Variants in TUSC3 observed in about 807,000 individuals in gnomAD.
TUSC3 encodes the protein dolichyl-diphosphooligosaccharide--protein glycosyltransferase subunit TUSC3.
Under a neutral mutation model 44.8 loss-of-function variants are expected in TUSC3, and 45 were observed. The observed-to-expected ratio is 1.00, with a 90% confidence interval of 0.79 to 1.29. TUSC3 has a LOEUF of 1.29. Among genes scored for constraint, TUSC3 ranks in the 50% most tolerant of loss-of-function variants. TUSC3 has a pLI of 0.00. For missense variants in TUSC3, 519 were observed against 437.9 expected (o/e 1.19, Z -1.65); for synonymous variants, 212 against 152.9 (o/e 1.39, Z -2.85).
At chr8:15,526,475 G>A (rs1170495441) in intron 2 of TUSC3, among the ~76,000 whole-genome samples, 1 of 152,168 alleles carries the variant, frequency 6.6e-6, no homozygotes, top group Admixed American at 6.5e-5. Flanking sequence ...ACACATTGTG[G>A]GAGGGACCCA....
intron 10 of TUSC3, 105 bp from the exon 11 acceptor site, chr8:15,764,098 T>C: frequency 8.5e-7 from 1 of 1,173,204 alleles, no homozygotes; most frequent in Non-Finnish European, 1.2e-6. Context: ...AATTATGACA[T>C]TTTAATGTTA....
chr8:15,447,051 A>T (rs1434605589), intron 1 of TUSC3, among the ~76,000 whole-genome samples: 1 of 152,092 alleles, frequency 6.6e-6, no homozygotes, highest in East Asian at 1.9e-4. Flanking sequence ...CCAAATGCAG[A>T]AGAAAAAAAA....
chr8:15,503,591 C>T (rs2129127223), intron 2 of TUSC3, among the ~76,000 whole-genome samples: 1 of 152,232 alleles, frequency 6.6e-6, no homozygotes, highest in Middle Eastern at 3.4e-3. Flanking sequence ...GTAGCCCCAG[C>T]TACTCACAAG....
intron 1 of TUSC3, among the ~76,000 whole-genome samples, chr8:15,589,286 T>C (rs10103833): frequency 0.24 from 36,422 of 151,998 alleles, 4,515 homozygotes; most frequent in East Asian, 0.47. Context: ...TAACTTTTAA[T>C]TGGGGAATTT....
At position 15,738,069 on chromosome 8, in the gene TUSC3, G is replaced by A. The variant is rs553000117; in HGVS notation, c.863-5469G>A. Among the ~76,000 whole-genome samples the A allele has an allele frequency of 3.3e-5, 5 of 152,204 alleles. No homozygotes were observed. In the East Asian group the frequency reaches 9.7e-4, roughly 29 times the overall value. On this transcript the variant is annotated intron_variant, in intron 7 of 10. Coordinates refer to ENST00000503731, the MANE Select transcript of TUSC3 (RefSeq NM_006765.4). Reference sequence around the variant, plus strand: ...AAAGCCATTTTAGTATAATTCATATGTCTTAATTACACCCATCAGGTTTTT... The same window carrying A: ...AAAGCCATTTTAGTATAATTCATATATCTTAATTACACCCATCAGGTTTTT...
At chr8:15,561,974 C>G (rs1041712404) in intron 1 of TUSC3, among the ~76,000 whole-genome samples, 5 of 152,180 alleles carry the variant, frequency 3.3e-5, no homozygotes, top group Admixed American at 1.3e-4. Flanking sequence ...CTGCGTTGCT[C>G]AGGCTGGGAG....
chr8:15,579,198 C>T (rs1427661136), intron 1 of TUSC3, among the ~76,000 whole-genome samples: 1 of 146,700 alleles, frequency 6.8e-6, no homozygotes, highest in Non-Finnish European at 1.5e-5. Flanking sequence ...CTATTTGATT[C>T]TTCTCTCTTT....
intron 2 of TUSC3, among the ~76,000 whole-genome samples, chr8:15,499,923 A>C (rs1452955474): frequency 6.6e-6 from 1 of 152,168 alleles, no homozygotes; most frequent in Admixed American, 6.5e-5. Flanking sequence ...TCTCTGTAGA[A>C]CCCAGATGAA....
chr8:15,719,495 TCACACACACACACACACACACCA>T (rs1438973505), intron 6 of TUSC3, among the ~76,000 whole-genome samples: 2,970 of 145,316 alleles, frequency 0.02, 72 homozygotes, highest in African/African-American at 0.07. Context: ...ATACAGTTCA[TCACACACACACACACACACACCA>T]CACACACACA....
At chr8:15,813,467 T>C in the TUSC3 span, among the ~76,000 whole-genome samples, 3 of 150,250 alleles carry the variant, frequency 2.0e-5, no homozygotes, top group Non-Finnish European at 2.9e-5. Context: ...CTGTAAGTTC[T>C]GATACTGGTT....
downstream of TUSC3, among the ~76,000 whole-genome samples, chr8:15,768,874 G>A (rs1460096967): frequency 6.6e-6 from 1 of 152,110 alleles, no homozygotes; most frequent in Non-Finnish European, 1.5e-5. Flanking sequence ...AGTTACAAGG[G>A]ATGCGAAGGA....
intron 2 of TUSC3, among the ~76,000 whole-genome samples, chr8:15,646,443 A>G (rs34160987): frequency 0.22 from 32,837 of 152,054 alleles, 4,248 homozygotes; most frequent in Non-Finnish European, 0.3. Context: ...TTATTGGGAC[A>G]TTAAATCTGA....
intron 8 of TUSC3, among the ~76,000 whole-genome samples, chr8:15,747,141 C>A (rs1179759909): frequency 6.6e-6 from 1 of 152,104 alleles, no homozygotes. Flanking sequence ...CATATTTTGA[C>A]AAAGCCGTAC....
At chr8:15,493,449 G>A (rs565187336) in intron 2 of TUSC3, among the ~76,000 whole-genome samples, 2 of 152,024 alleles carry the variant, frequency 1.3e-5, no homozygotes, top group Non-Finnish European at 2.9e-5. Flanking sequence ...TTTTTGCATA[G>A]ACAAGATCTT....
intron 5 of TUSC3, among the ~76,000 whole-genome samples, chr8:15,669,438 A>C (rs934701980): frequency 2.6e-5 from 4 of 151,828 alleles, no homozygotes; most frequent in African/African-American, 9.7e-5. Flanking sequence ...GACATTTAAA[A>C]ATAGAAAACT....
In TUSC3 at chr8:15,765,227, C is replaced by G. The variant is rs900848764; in HGVS notation, c.*1071C>G. On this transcript the variant is annotated 3_prime_UTR_variant, in exon 11 of 11. Transcript: ENST00000503731. The stretch of plus-strand genomic sequence containing the variant: ...ATCTGACTCATAGAACTAATGGAAG[C>G]TGAAAGCCAAAAATAAAGTTTATAA... 2.6e-5 allele frequency: 4 copies of G among 152,014 alleles called. No homozygotes were observed. The highest frequency in any genetic ancestry group is 1.3e-4 in the Admixed American group (2 of 15,238). 9.4% of individuals were successfully genotyped at this position (152,014 alleles called of 1,614,324 possible).
At chr8:15,516,865 A>G (rs968096518) in intron 2 of TUSC3, among the ~76,000 whole-genome samples, 1 of 152,242 alleles carries the variant, frequency 6.6e-6, no homozygotes, top group Admixed American at 6.5e-5. Flanking sequence ...TTACAGTAGT[A>G]TAAATATTAG....
At chr8:15,652,033 A>C (rs1806934245) in intron 3 of TUSC3, among the ~76,000 whole-genome samples, 1 of 152,200 alleles carries the variant, frequency 6.6e-6, no homozygotes, top group African/African-American at 2.4e-5. Context: ...GTAATGTGTA[A>C]CTAGAATTTG....
chr8:15,503,866 A>C (rs982622488), intron 2 of TUSC3, among the ~76,000 whole-genome samples: 2 of 151,698 alleles, frequency 1.3e-5, no homozygotes, highest in South Asian at 2.1e-4. Context: ...TAATGGCTCC[A>C]CAGCTGGGTG....
Sources: allele counts gnomAD v4.1 joint callset (sites outside exome capture counted in the v4.1 genomes callset), GRCh38; gene constraint gnomAD v4.1.1; transcripts MANE v1.5; gene names NCBI Gene and HGNC (gene_info 2026-07-23, HGNC 2026-07-21).